Variants in SAMD5 observed in about 807,000 individuals in gnomAD.
SAMD5 encodes sterile alpha motif domain-containing protein 5.
In SAMD5, 13 loss-of-function variants were observed where a neutral mutation model predicts 11.3. The ratio of observed to expected loss-of-function variants is 1.15; its 90% CI spans 0.75 to 1.83. The LOEUF is 1.83. Ranked by LOEUF, SAMD5 falls within the 40% of genes most tolerant of loss-of-function variation. The probability of loss-of-function intolerance (pLI) is 0.00; values close to 1 mark genes in which losing one functional copy is unlikely to be tolerated. For missense variants in SAMD5, 255 were observed against 239.1 expected, an observed-to-expected ratio of 1.07 and a Z score of -0.44; for synonymous variants, 129 against 111.3, an observed-to-expected ratio of 1.16 and a Z score of -1.00.
At chr6:147,888,672 C>A in the SAMD5 span, among the ~76,000 whole-genome samples, 1 of 152,002 alleles carries the variant, frequency 6.6e-6, no homozygotes, top group African/African-American at 2.4e-5. Flanking sequence ...CACCTGAGAT[C>A]AGGAGTTCGA....
chr6:147,582,938 A>G (rs1176257028), intron 1 of SAMD5, among the ~76,000 whole-genome samples: 2 of 152,202 alleles, frequency 1.3e-5, no homozygotes, highest in Admixed American at 6.5e-5. Flanking sequence ...TGACCTTTGC[A>G]GGTCCTAGAA....
At chr6:147,695,813 A>T (rs1372686847) in intron 1 of SAMD5, among the ~76,000 whole-genome samples, 1 of 152,194 alleles carries the variant, frequency 6.6e-6, no homozygotes, top group Non-Finnish European at 1.5e-5. Flanking sequence ...TGTACCATAT[A>T]TATACTTTAT....
the SAMD5 span, among the ~76,000 whole-genome samples, chr6:147,824,665 G>A: frequency 1.1e-4 from 16 of 152,164 alleles, no homozygotes; most frequent in Non-Finnish European, 1.8e-4. Flanking sequence ...GCTTGATAAA[G>A]TGTTTCTGAA....
At chr6:147,851,378 G>T in the SAMD5 span, among the ~76,000 whole-genome samples, 5 of 152,258 alleles carry the variant, frequency 3.3e-5, no homozygotes, top group East Asian at 9.6e-4. Context: ...TCAGTTTCAG[G>T]CATCCACTGG....
the SAMD5 span, among the ~76,000 whole-genome samples, chr6:147,903,450 G>C: frequency 1.3e-5 from 2 of 152,142 alleles, no homozygotes; most frequent in East Asian, 3.9e-4. Flanking sequence ...CACCTGTTCA[G>C]TGCAGATTCA....
the SAMD5 span, among the ~76,000 whole-genome samples, chr6:147,787,437 A>T: frequency 6.6e-6 from 1 of 152,208 alleles, no homozygotes. Context: ...CCTTTATTGC[A>T]TTGAGTTTCC....
chr6:147,577,628 G>C (rs1789235654), intron 1 of SAMD5, among the ~76,000 whole-genome samples: 1 of 152,008 alleles, frequency 6.6e-6, no homozygotes, highest in Admixed American at 6.6e-5. Context: ...TGAAGAATAA[G>C]TAAATATATT....
At chr6:147,540,504 C>A (rs1355155139) in intron 1 of SAMD5, among the ~76,000 whole-genome samples, 1 of 152,188 alleles carries the variant, frequency 6.6e-6, no homozygotes, top group Admixed American at 6.5e-5. Flanking sequence ...CAGAACAAGA[C>A]AGAGGAATTT....
chr6:147,620,704 A>G (rs891655878), intron 1 of SAMD5, among the ~76,000 whole-genome samples: 2 of 152,222 alleles, frequency 1.3e-5, no homozygotes, highest in African/African-American at 4.8e-5. Context: ...AGGTGAATTA[A>G]GTAGCCATCG....
chr6:147,696,860 T>G (rs1434625710), intron 1 of SAMD5, among the ~76,000 whole-genome samples: 1 of 152,216 alleles, frequency 6.6e-6, no homozygotes, highest in Non-Finnish European at 1.5e-5. Flanking sequence ...CTTATGGGTA[T>G]TTTAGGCTGT....
At chr6:147,616,238 CTTCATATATATTTATTCATATATAT>C (rs1789869873) in intron 1 of SAMD5, among the ~76,000 whole-genome samples, 10 of 112,096 alleles carry the variant, frequency 8.9e-5, no homozygotes, top group Middle Eastern at 5.1e-3. Flanking sequence ...TTCATATATA[CTTCATATATATTTATTCATATATAT>C]TTCATATATA....
intron 1 of SAMD5, among the ~76,000 whole-genome samples, chr6:147,588,220 A>G (rs1789402501): frequency 6.6e-6 from 1 of 151,538 alleles, no homozygotes; most frequent in Non-Finnish European, 1.5e-5. Context: ...GGAACTTGAA[A>G]CATAGATGCA....
At chr6:147,686,585 A>G (rs1284392400) in intron 1 of SAMD5, among the ~76,000 whole-genome samples, 1 of 152,168 alleles carries the variant, frequency 6.6e-6, no homozygotes, top group Non-Finnish European at 1.5e-5. Flanking sequence ...ATGTGTCCAT[A>G]TAAGCATGAG....
chr6:147,710,728 T>C (rs770972768), intron 1 of SAMD5, among the ~76,000 whole-genome samples: 5 of 152,198 alleles, frequency 3.3e-5, no homozygotes, highest in Non-Finnish European at 5.9e-5. Context: ...AACTTTATCA[T>C]AGGTATGTTT....
chr6:147,954,538 G>A, the SAMD5 span, among the ~76,000 whole-genome samples: 1 of 152,028 alleles, frequency 6.6e-6, no homozygotes, highest in Admixed American at 6.6e-5. Flanking sequence ...AATGTCCTAG[G>A]CCTTCGCATT....
rs1789060325 is a variant in SAMD5 at position 147,567,447 on chromosome 6, TTA to T, written c.*2992_*2993del. The T allele has an allele frequency of 2.0e-6, 2 of 984,338 alleles. No individual in the cohort carries two copies. The highest frequency in any genetic ancestry group is 1.1e-4 in the East Asian group (1 of 8,812). The allele number at this position is 984,338 out of a possible 1,614,324, so 61.0% of individuals were successfully genotyped here. On this transcript the variant is annotated 3_prime_UTR_variant, in exon 2 of 2. Coordinates refer to ENST00000367474, the MANE Select transcript of SAMD5 (RefSeq NM_001030060.3). ...GTAGTATTTTCCTGCGGTGAATCTG[TTA>T]AGGATGTAAGCTATAGTGTAGCTTG...
At chr6:147,624,647 G>T (rs1331307383) in intron 1 of SAMD5, among the ~76,000 whole-genome samples, 6 of 152,056 alleles carry the variant, frequency 3.9e-5, no homozygotes, top group Non-Finnish European at 8.8e-5. Context: ...ATGGGCATTT[G>T]GGCTGGTTCC....
chr6:147,789,434 A>C, the SAMD5 span, among the ~76,000 whole-genome samples: 2,327 of 152,072 alleles, frequency 0.015, 50 homozygotes, highest in East Asian at 0.066. Context: ...ATATTTTTTT[A>C]ATTTTTGAGA....
At chr6:147,627,732 G>A (rs568862346) in intron 1 of SAMD5, among the ~76,000 whole-genome samples, 1 of 152,084 alleles carries the variant, frequency 6.6e-6, no homozygotes, top group Admixed American at 6.6e-5. Flanking sequence ...TAGTAAATCT[G>A]CAGTGAAAAT....
Sources: gnomAD v4.1 joint callset for allele counts (sites outside exome capture counted in the v4.1 genomes callset) on GRCh38, gnomAD v4.1.1 for gene constraint, MANE v1.5 for transcripts, NCBI Gene and HGNC (gene_info 2026-07-23, HGNC 2026-07-21) for gene names.